Variants in STAU2 observed in about 807,000 individuals in gnomAD.
STAU2 encodes double-stranded RNA-binding protein Staufen homolog 2.
Under a neutral mutation model 65.9 loss-of-function variants are expected in STAU2, and 20 were observed. The observed-to-expected ratio is 0.30, with a 90% CI of 0.21 to 0.44. STAU2 has a LOEUF of 0.44. Ranked by LOEUF, STAU2 falls within the 20% of genes least tolerant of loss-of-function variation. The pLI, the probability that STAU2 is intolerant of heterozygous loss-of-function variation, is 1.00. For synonymous variants in STAU2, 232 were observed against 233.9 expected (o/e 0.99, Z 0.07); for missense variants, 558 against 683.9 (o/e 0.82, Z 2.05).
chr8:73,713,919 T>C (rs1423992156), intron 3 of STAU2, among the ~76,000 whole-genome samples: 2 of 152,132 alleles, frequency 1.3e-5, no homozygotes, highest in Admixed American at 6.5e-5. Flanking sequence ...CCTTTTTTTT[T>C]TGAGACAGAG....
chr8:73,680,956 G>A (rs1818387646), intron 5 of STAU2, among the ~76,000 whole-genome samples: 1 of 151,862 alleles, frequency 6.6e-6, no homozygotes, highest in Non-Finnish European at 1.5e-5. Flanking sequence ...AAGCCTCCAA[G>A]AAGTTTGGGA....
intron 13 of STAU2, among the ~76,000 whole-genome samples, chr8:73,462,344 C>T (rs1029443864): frequency 1.3e-5 from 2 of 152,018 alleles, no homozygotes; most frequent in South Asian, 2.1e-4. Context: ...TCAGAAGATC[C>T]ACCCGCCTTG....
intron 6 of STAU2, among the ~76,000 whole-genome samples, chr8:73,621,724 A>G (rs957480240): frequency 6.6e-6 from 1 of 152,190 alleles, no homozygotes; most frequent in Admixed American, 6.5e-5. Context: ...ATTATCTTCC[A>G]TGCTTGTTAA....
intron 13 of STAU2, among the ~76,000 whole-genome samples, chr8:73,537,463 T>C (rs912621910): frequency 1.3e-5 from 2 of 152,090 alleles, no homozygotes; most frequent in East Asian, 1.9e-4. Flanking sequence ...AAGAAAAATC[T>C]TGAAAGAAGT....
At chr8:73,714,368 C>T (rs1821103279) in intron 3 of STAU2, among the ~76,000 whole-genome samples, 2 of 152,058 alleles carry the variant, frequency 1.3e-5, no homozygotes, top group African/African-American at 4.8e-5. Flanking sequence ...CAGATATGTC[C>T]CCAGCTATTA....
intron 13 of STAU2, among the ~76,000 whole-genome samples, chr8:73,495,588 C>T (rs1056105292): frequency 3.1e-4 from 46 of 148,534 alleles, no homozygotes; most frequent in Admixed American, 3.1e-3. Flanking sequence ...TTTTATTAGT[C>T]AATATGCCCA....
intron 12 of STAU2, among the ~76,000 whole-genome samples, chr8:73,578,359 G>C (rs2128960460): frequency 6.6e-6 from 1 of 152,268 alleles, no homozygotes; most frequent in African/African-American, 2.4e-5. Flanking sequence ...ACAGAGGCAA[G>C]CTTAACATTA....
At chr8:73,444,797 A>G (rs976852646) in intron 13 of STAU2, among the ~76,000 whole-genome samples, 2 of 152,174 alleles carry the variant, frequency 1.3e-5, no homozygotes, top group African/African-American at 4.8e-5. Context: ...CTGTGTTTTA[A>G]TATTGCCAAG....
At chr8:73,679,605 G>A (rs1818256014) in intron 5 of STAU2, among the ~76,000 whole-genome samples, 2 of 151,976 alleles carry the variant, frequency 1.3e-5, no homozygotes, top group Admixed American at 1.3e-4. Flanking sequence ...AAGCAGGCCA[G>A]GAATGGTGGG....
At chr8:73,546,877 A>ATTG (rs1806973318) in intron 13 of STAU2, among the ~76,000 whole-genome samples, 1 of 152,200 alleles carries the variant, frequency 6.6e-6, no homozygotes. Flanking sequence ...AAATTACATC[A>ATTG]TTGTCAATCG....
At chr8:73,477,032 T>C (rs1355065303) in intron 13 of STAU2, among the ~76,000 whole-genome samples, 1 of 152,164 alleles carries the variant, frequency 6.6e-6, no homozygotes, top group Admixed American at 6.5e-5. Context: ...AATGAGATAA[T>C]CCACGTGAAC....
chr8:73,675,933 G>T (rs1818004469), intron 5 of STAU2, among the ~76,000 whole-genome samples: 1 of 152,098 alleles, frequency 6.6e-6, no homozygotes, highest in Non-Finnish European at 1.5e-5. Context: ...ATATTAAGGG[G>T]TAATGGGACA....
intron 13 of STAU2, among the ~76,000 whole-genome samples, chr8:73,470,706 A>C (rs1003866586): frequency 6.6e-6 from 1 of 152,038 alleles, no homozygotes; most frequent in Non-Finnish European, 1.5e-5. Context: ...CTGGAGACTG[A>C]AGTGGGAGGA....
Position 73,470,652 on chromosome 8 carries a change from A to T in STAU2, c.1531-47950T>A, listed in dbSNP as rs559175442. On this transcript the variant is annotated intron_variant, in intron 13 of 14. Transcript: ENST00000524300. ...GTCTCTACAAAAAAAATTTTTTTTT[A>T]AATTAGCTGGGTGTGGTGGTGTGTG... 5.5e-3 allele frequency among the ~76,000 whole-genome samples: 706 copies of T among 129,414 alleles called. 7 individuals are homozygous for T. The highest frequency in any genetic ancestry group is 0.017 in the African/African-American group (659 of 39,044). 84.9% of individuals were successfully genotyped at this position (129,414 alleles called of 152,430 possible).
chr8:73,439,310 C>T, intron 13 of STAU2: 1 of 319,132 alleles, frequency 3.1e-6, no homozygotes, highest in Admixed American at 4.4e-5. Flanking sequence ...GGCAGGACAG[C>T]AAGCTGGTTA....
intron 13 of STAU2, among the ~76,000 whole-genome samples, chr8:73,520,934 T>G (rs942303448): frequency 2.0e-5 from 3 of 152,152 alleles, no homozygotes; most frequent in South Asian, 4.1e-4. Context: ...TTCTGTTACT[T>G]GTAGCCAAAA....
intron 13 of STAU2, among the ~76,000 whole-genome samples, chr8:73,530,540 T>C (rs1386358795): frequency 6.6e-6 from 1 of 152,184 alleles, no homozygotes; most frequent in Non-Finnish European, 1.5e-5. Flanking sequence ...TGGGAATACC[T>C]GCATGAAGGG....
At chr8:73,664,087 T>C (rs1817051519) in intron 6 of STAU2, among the ~76,000 whole-genome samples, 1 of 152,184 alleles carries the variant, frequency 6.6e-6, no homozygotes, top group Non-Finnish European at 1.5e-5. Context: ...GGGGTCTCAC[T>C]GCGTTGCCTA....
At chr8:73,580,599 T>C (rs950483589) in intron 12 of STAU2, among the ~76,000 whole-genome samples, 1 of 152,242 alleles carries the variant, frequency 6.6e-6, no homozygotes, top group Non-Finnish European at 1.5e-5. Flanking sequence ...ATTACCATAA[T>C]ATATGAATTT....
Sources: allele counts gnomAD v4.1 joint callset (sites outside exome capture counted in the v4.1 genomes callset), GRCh38; gene constraint gnomAD v4.1.1; transcripts MANE v1.5; gene names NCBI Gene and HGNC (gene_info 2026-07-23, HGNC 2026-07-21).